The following CSH2 variants were observed in gnomAD, a reference collection of about 807,000 sequenced individuals.
CSH2 encodes the protein chorionic somatomammotropin hormone 2.
In CSH2, 10 loss-of-function variants were observed where a neutral mutation model predicts 22.7. That is an observed-to-expected ratio of 0.44 (90% CI 0.27 to 0.75). The LOEUF is 0.75. CSH2 is among the 30% of genes least tolerant of loss of function. The pLI, the probability that CSH2 is intolerant of heterozygous loss-of-function variation, is 0.16. For synonymous variants in CSH2, 64 were observed against 115.0 expected, an observed-to-expected ratio of 0.56 and a Z score of 2.84; for missense variants, 161 against 271.0, an observed-to-expected ratio of 0.59 and a Z score of 2.85.
rs139723494 is a variant in CSH2 at position 63,872,530 on chromosome 17, T to G, written c.456+47A>C. On this transcript the variant is annotated intron_variant, in intron 4 of 4. Transcript: ENST00000392886. ...GCAGTGTTTCTCTCCCCCAGCCCTC[T>G]AAGCCAGTGGGGTTCCAGGATTGGC... 1.9e-4 allele frequency: 310 copies of G among 1,613,946 alleles called. 2 individuals carry two copies. Among genetic ancestry groups the G allele is most frequent in the Non-Finnish European group, 2.2e-4 (262 of 1,179,880 alleles).
chr17:63,872,500 G>A (rs1465479061), intron 4 of CSH2, 77 bp downstream of exon 4: 2 of 1,613,966 alleles, frequency 1.2e-6, no homozygotes, highest in East Asian at 2.2e-5. Context: ...GCTACAAAGA[G>A]GGCAGCAGTG....
At position 63,873,401 on chromosome 17, in the gene CSH2, C is replaced by T. The variant is rs1327522085; in HGVS notation, c.11-62G>A. The T allele has an allele frequency of 3.7e-6, 6 of 1,607,934 alleles. No individual in the cohort carries two copies. The East Asian group carries it at 6.7e-5, about 18-fold the overall frequency. Reference sequence around the variant, plus strand: ...GAGGAAGAGGCCAGCGCTCTCCCTGCTCCAGGAGCTGTTTGTTTTTTTCTC... The same window carrying T: ...GAGGAAGAGGCCAGCGCTCTCCCTGTTCCAGGAGCTGTTTGTTTTTTTCTC... On this transcript the variant is annotated intron_variant, in intron 1 of 4. Coordinates refer to ENST00000392886, the MANE Select transcript of CSH2 (RefSeq NM_020991.4).
chr17:63,872,183 G>C lies in CSH2; in HGVS notation c.597C>G (p.Val199=), dbSNP rs909532810. 1.9e-6 allele frequency: 3 copies of C among 1,613,914 alleles called. No individual in the cohort carries two copies. The highest frequency in any genetic ancestry group is 2.5e-6 in the Non-Finnish European group (3 of 1,179,960). ...ACTGCACCATGCGCAGGAATGTCTCGACCTTGTCCATGTCCTTCCTGAAGC... is the reference window on the plus strand; with the variant it reads ...ACTGCACCATGCGCAGGAATGTCTCCACCTTGTCCATGTCCTTCCTGAAGC... ...LYCFRKDMDK[V]ETFLRMVQCR... Residue 199 remains valine (V), a synonymous_variant, in exon 5 of 5, where the codon GTC becomes GTG. Coordinates refer to ENST00000392886, the MANE Select transcript of CSH2 (RefSeq NM_020991.4).
chr17:63,873,424 C>T (rs574637636), intron 1 of CSH2, 85 bp from the exon 2 acceptor site: 58 of 1,597,084 alleles, frequency 3.6e-5, no homozygotes, highest in East Asian at 1.6e-4. Context: ...TTGTTTTTTT[C>T]TCTCTCTCCA....
chr17:63,872,459 A>G, intron 4 of CSH2, 118 bp downstream of exon 4: 1 of 1,613,870 alleles, frequency 6.2e-7, no homozygotes, highest in Non-Finnish European at 8.5e-7. Context: ...AATGAAGAAT[A>G]AGGTGAGTTC....
rs1163797190 is a variant in CSH2, at chr17:63,872,066, A to G, written c.*60T>C. On this transcript the variant is annotated 3_prime_UTR_variant, in exon 5 of 5. Coordinates refer to ENST00000392886, the MANE Select transcript of CSH2 (RefSeq NM_020991.4). ...CAAGGCTGATGGGCACTGGAGTGGC[A>G]CCTTCCAGGGCCAGGAGAGGCACTG... The G allele has an allele frequency of 2.5e-6, 4 of 1,612,722 alleles. No individual in the cohort carries two copies. The highest frequency in any genetic ancestry group is 3.4e-6 in the Non-Finnish European group (4 of 1,179,048).
chr17:63,872,578 C>T lies in CSH2; in HGVS notation c.455G>A (p.Gly152Glu), dbSNP rs780304570. 67 of 1,613,840 alleles carry T rather than the reference C, an allele frequency of 4.2e-5. No individual in the cohort carries two copies. The highest frequency in any genetic ancestry group is 1.6e-4 in the Middle Eastern group (1 of 6,084). ...DLEEGIQTLM[G>E]RLEDGSRRTG... is the part of the protein sequence containing the mutation. ...GGCGACCCCTGGCGCCACCCTCACC[C>T]CCATCAGCGTTTGGATGCCTTCCTC... Residue 152 changes from glycine (G) to glutamate (E), a missense_variant and splice_region_variant, in exon 4 of 5, where the codon GGG becomes GAG. Gly to Glu is a moderately conservative substitution (Grantham distance 98). Transcript: ENST00000392886.
chr17:63,872,540 G>A (rs1288693134), intron 4 of CSH2, 37 bp downstream of exon 4: 3 of 1,614,022 alleles, frequency 1.9e-6, no homozygotes, highest in Admixed American at 3.3e-5. Context: ...TAAGCCAGTG[G>A]GGTTCCAGGA....
rs1314565974 is a variant in CSH2, at chr17:63,872,257, T to C, written c.523A>G (p.Asn175Asp). 6 of 1,613,780 alleles carry C rather than the reference T, an allele frequency of 3.7e-6. No individual in the cohort carries two copies. Among genetic ancestry groups the C allele is most frequent in the Non-Finnish European group, 5.1e-6 (6 of 1,179,886 alleles). ...LKQTYSKFDT[N>D]SHNHDALLKN... ...AGCAGTGCGTCATGGTTGTGTGAGT[T>C]TGTGTCAAACTTGCTGTAGGTCTGC... The change falls in exon 5 of 5, where the codon AAC (asparagine) becomes GAC (aspartate). Residue 175 changes from asparagine to aspartate, a missense_variant. By Grantham distance (23) the Asn-to-Asp change is conservative (BLOSUM62 1). This residue lies in a region of CSH2 where 145 missense variants were observed against 157.8 expected (regional missense o/e 0.92). Coordinates refer to ENST00000392886, the MANE Select transcript of CSH2 (RefSeq NM_020991.4).
Position 63,872,127 on chromosome 17 carries a change from T to C in CSH2, c.653A>G (p.Ter218TrpextTer?), listed in dbSNP as rs2044907120. The C allele has an allele frequency of 6.2e-7, 1 of 1,613,858 alleles. No individual in the cohort carries two copies. The highest frequency in any genetic ancestry group is 1.3e-5 in the African/African-American group (1 of 74,920). The change falls in exon 5 of 5, where the codon TAG becomes TGG. Residue 218 changes from the stop codon to tryptophan (W), a stop_lost. Transcript: ENST00000392886. ...CRSVEGSCGF* is the reference protein window; with the variant it reads ...CRSVEGSCGFW Reference sequence around the variant, plus strand: ...GGTCACAGGATGCCACGCGGGCACCTAGAAGCCACAGCTACCCTCTACAGA... The same window carrying C: ...GGTCACAGGATGCCACGCGGGCACCCAGAAGCCACAGCTACCCTCTACAGA...
At chr17:63,872,406 C>A in intron 4 of CSH2, 83 bp from the exon 5 acceptor site, 5 of 1,613,806 alleles carry the variant, frequency 3.1e-6, no homozygotes, top group Non-Finnish European at 4.2e-6. Flanking sequence ...TTCCTCCCTC[C>A]CCTTCAGGGT....
chr17:63,872,575 A>AC lies in CSH2; in HGVS notation c.456+1dup. 1 of 1,613,410 alleles carries AC rather than the reference A, an allele frequency of 6.2e-7. No individual in the cohort carries two copies. Among genetic ancestry groups the AC allele is most frequent in the Non-Finnish European group, 8.5e-7 (1 of 1,179,738 alleles). ...ATTGGCGACCCCTGGCGCCACCCTC[A>AC]CCCCCATCAGCGTTTGGATGCCTTC... On this transcript the variant is annotated splice_donor_variant, in intron 4 of 4. Transcript: ENST00000392886. LOFTEE classifies it high-confidence loss of function.
rs1905146987 is a variant in CSH2 at position 63,872,649 on chromosome 17, C to T, written c.384G>A (p.Val128=). The change falls in exon 4 of 5, where the codon GTG becomes GTA. Residue 128 remains valine (V), a synonymous_variant. Coordinates refer to ENST00000392886, the MANE Select transcript of CSH2 (RefSeq NM_020991.4). ...AGTCATCGCTGTCCGAGGTGTCATA[C>T]ACCAGGTTGTTGGCGAACATACTCC... ...FLRSMFANNL[V]YDTSDSDDYH... The T allele has an allele frequency of 5.6e-6, 9 of 1,610,890 alleles. No homozygotes were observed. The highest frequency in any genetic ancestry group is 6.8e-6 in the Non-Finnish European group (8 of 1,178,970).
At chr17:63,872,461 G>C in intron 4 of CSH2, 116 bp downstream of exon 4, 2 of 1,613,854 alleles carry the variant, frequency 1.2e-6, no homozygotes, top group Non-Finnish European at 1.7e-6. Context: ...TGAAGAATAA[G>C]GTGAGTTCTC....
At position 63,872,182 on chromosome 17, in the gene CSH2, C is replaced by T. The variant is rs759230526; in HGVS notation, c.598G>A (p.Glu200Lys). 1.1e-5 allele frequency: 17 copies of T among 1,614,074 alleles called. No individual in the cohort carries two copies. Among genetic ancestry groups the T allele is most frequent in the South Asian group, 8.8e-5 (8 of 91,082 alleles). ...CACTGCACCATGCGCAGGAATGTCTCGACCTTGTCCATGTCCTTCCTGAAG... is the reference window on the plus strand; with the variant it reads ...CACTGCACCATGCGCAGGAATGTCTTGACCTTGTCCATGTCCTTCCTGAAG... Reference protein sequence around the residue: ...YCFRKDMDKVETFLRMVQCRS... With the variant: ...YCFRKDMDKVKTFLRMVQCRS... Residue 200 changes from glutamate (E) to lysine (K), a missense_variant, in exon 5 of 5, where the codon GAG becomes AAG. Glu to Lys is a moderately conservative substitution (Grantham distance 56). This residue lies in a region of CSH2 where 145 missense variants were observed against 157.8 expected (regional missense o/e 0.92). Coordinates refer to ENST00000392886, the MANE Select transcript of CSH2 (RefSeq NM_020991.4).
intron 4 of CSH2, 28 bp downstream of exon 4, chr17:63,872,549 G>T: frequency 6.2e-7 from 1 of 1,614,066 alleles, no homozygotes; most frequent in Non-Finnish European, 8.5e-7. Flanking sequence ...GGGGTTCCAG[G>T]ATTGGCGACC....
intron 3 of CSH2, 26 bp downstream of exon 3, chr17:63,872,806 CCCG>C: frequency 7.5e-7 from 1 of 1,335,456 alleles, no homozygotes; most frequent in Non-Finnish European, 1.0e-6. Context: ...CTCCCCCATC[CCCG>C]CCTAGGGGAG....
In CSH2 at chr17:63,872,263, C is replaced by G. The variant is rs181947643; in HGVS notation, c.517G>C (p.Asp173His). 4.6e-5 allele frequency: 74 copies of G among 1,613,954 alleles called. No homozygotes were observed. The East Asian group carries it at 1.4e-3, about 30-fold the overall frequency. The stretch of plus-strand genomic sequence containing the variant: ...GCGTCATGGTTGTGTGAGTTTGTGT[C>G]AAACTTGCTGTAGGTCTGCTTGAGG... ...QILKQTYSKF[D>H]TNSHNHDALL... Residue 173 changes from aspartate (D) to histidine (H), a missense_variant, in exon 5 of 5, where the codon GAC becomes CAC. Coordinates refer to ENST00000392886, the MANE Select transcript of CSH2 (RefSeq NM_020991.4).
In CSH2 at chr17:63,872,016, A is replaced by G. The variant is rs1337280657; in HGVS notation, c.*110T>C. ...ATAGAATGACACCTAGTCAGATGAA[A>G]TGATACAACTTAATTTTATTAGGAC... On this transcript the variant is annotated 3_prime_UTR_variant, in exon 5 of 5. Coordinates refer to ENST00000392886, the MANE Select transcript of CSH2 (RefSeq NM_020991.4). 1 of 1,542,368 alleles carries G rather than the reference A, an allele frequency of 6.5e-7. No homozygotes were observed. The highest frequency in any genetic ancestry group is 1.4e-5 in the African/African-American group (1 of 73,104).
Sources: allele counts gnomAD v4.1 joint callset, GRCh38; gene constraint gnomAD v4.1.1; regional missense constraint gnomAD v4.1.1; transcripts MANE v1.5; gene names NCBI Gene and HGNC (gene_info 2026-07-23, HGNC 2026-07-21).